The following PKNOX1 variants were observed in gnomAD, a reference collection of about 807,000 sequenced individuals.
The protein encoded by PKNOX1 is PBX/knotted 1 homeobox 1, also known as homeobox protein PKNOX1.
Under a neutral mutation model 51.9 loss-of-function variants are expected in PKNOX1, and 15 were observed. That is an observed-to-expected ratio of 0.29 (90% CI 0.19 to 0.45). The LOEUF (loss-of-function observed/expected upper bound fraction) is 0.45, where lower values mean the gene tolerates loss of function less well. Among genes scored for constraint, PKNOX1 ranks in the 20% least tolerant of loss-of-function variants. The pLI, the probability that PKNOX1 is intolerant of heterozygous loss-of-function variation, is 1.00. For missense variants in PKNOX1, 462 were observed against 547.5 expected (o/e 0.84, Z 1.56); for synonymous variants, 219 against 211.1 (o/e 1.04, Z -0.32).
chr21:42,991,484 TG>T, intron 1 of PKNOX1, among the ~76,000 whole-genome samples: 1 of 152,274 alleles, frequency 6.6e-6, no homozygotes, highest in South Asian at 2.1e-4. Context: ...CCCAGCACTT[TG>T]GGAGATCGAG....
Position 42,999,428 on chromosome 21 carries a change from TA to T in PKNOX1, c.-56-4897del, listed in dbSNP as rs1978648056. On this transcript the variant is annotated intron_variant, in intron 1 of 10. Coordinates refer to ENST00000291547, the MANE Select transcript of PKNOX1 (RefSeq NM_004571.5). ...GATTAACATTAGGCTCCTCATTACT[TA>T]TGCAAATTTATGCAGCCAGCTTGAA... 2.0e-5 allele frequency among the ~76,000 whole-genome samples: 3 copies of T among 152,210 alleles called. No homozygotes were observed. In the South Asian group the frequency reaches 6.2e-4, roughly 32 times the overall value.
At chr21:43,009,397 A>G (rs1979141202) in intron 3 of PKNOX1, among the ~76,000 whole-genome samples, 1 of 152,098 alleles carries the variant, frequency 6.6e-6, no homozygotes, top group African/African-American at 2.4e-5. Flanking sequence ...GTGAACCGAG[A>G]TCACGCCATT....
intron 1 of PKNOX1, among the ~76,000 whole-genome samples, chr21:42,982,981 TG>T (rs1479822940): frequency 3.3e-5 from 5 of 151,922 alleles, no homozygotes; most frequent in Non-Finnish European, 7.4e-5. Flanking sequence ...GGCTAATTTT[TG>T]TATTTTTAGT....
In PKNOX1 at chr21:43,032,079, C is replaced by T. The variant is rs949919062; in HGVS notation, c.*1978C>T. ...TTCTCCATGTTGGTCGGGCTGGTCT[C>T]GAACTCCCGACCTCAGGTGATCTGC... On this transcript the variant is annotated 3_prime_UTR_variant, in exon 11 of 11. Transcript: ENST00000291547. 6.9e-6 allele frequency: 3 copies of T among 437,476 alleles called. No individual in the cohort carries two copies. The highest frequency in any genetic ancestry group is 2.0e-5 in the African/African-American group (1 of 48,954). 27.1% of individuals were successfully genotyped at this position (437,476 alleles called of 1,614,324 possible). A position where few individuals can be genotyped will look rare whatever the true frequency, so the allele number is the denominator to read the frequency against.
At position 43,032,156 on chromosome 21, in the gene PKNOX1, G is replaced by A. The variant is rs776227715; in HGVS notation, c.*2055G>A. 3.9e-5 allele frequency: 18 copies of A among 455,954 alleles called. No individual in the cohort carries two copies. The highest frequency in any genetic ancestry group is 1.4e-4 in the East Asian group (2 of 14,398). 28.2% of individuals were successfully genotyped at this position (455,954 alleles called of 1,614,324 possible). A position where few individuals can be genotyped will look rare whatever the true frequency, so the allele number is the denominator to read the frequency against. ...ATTACAGGTGTGAGCCACCGCGCCC[G>A]GCCGAGAATGACATCTTAAAGCCAC... is the stretch of plus-strand genomic sequence containing the variant. On this transcript the variant is annotated 3_prime_UTR_variant, in exon 11 of 11. Transcript: ENST00000291547.
intron 2 of PKNOX1, among the ~76,000 whole-genome samples, chr21:43,006,636 C>T (rs933033012): frequency 1.4e-4 from 21 of 152,300 alleles, no homozygotes; most frequent in Admixed American, 8.5e-4. Context: ...ATGTGAGAGG[C>T]GTCCTGTGCG....
In PKNOX1 at chr21:43,002,093, A is replaced by T. The variant is rs377194851; in HGVS notation, c.-56-2233A>T. Reference sequence around the variant, plus strand: ...GGCTGATCTTGAACTCCTGAACTCAAGTGGTCCTTCCACATCAGCTCTCAG... The same window carrying T: ...GGCTGATCTTGAACTCCTGAACTCATGTGGTCCTTCCACATCAGCTCTCAG... On this transcript the variant is annotated intron_variant, in intron 1 of 10. Transcript: ENST00000291547. Among the ~76,000 whole-genome samples, 8 of 152,228 alleles carry T rather than the reference A, an allele frequency of 5.3e-5. No individual in the cohort carries two copies. In the South Asian group the frequency reaches 6.2e-4, roughly 12 times the overall value.
chr21:43,018,997 A>T (rs781454087), intron 7 of PKNOX1, among the ~76,000 whole-genome samples: 11 of 151,666 alleles, frequency 7.3e-5, no homozygotes, highest in Non-Finnish European at 1.5e-4. Context: ...AGGCAGGAGA[A>T]TCGCTTGAAC....
chr21:43,027,982 G>A (rs1419296546), intron 9 of PKNOX1, among the ~76,000 whole-genome samples: 4 of 152,322 alleles, frequency 2.6e-5, no homozygotes, highest in South Asian at 4.1e-4. Flanking sequence ...CGTTCTCTGT[G>A]GAGTCTTATC....
chr21:42,998,336 C>G (rs1283204298), intron 1 of PKNOX1, among the ~76,000 whole-genome samples: 2 of 152,182 alleles, frequency 1.3e-5, no homozygotes, highest in African/African-American at 4.8e-5. Flanking sequence ...CAGCTCCCTC[C>G]CATAACATGT....
At chr21:43,012,676 A>G (rs1176534016) in intron 4 of PKNOX1, among the ~76,000 whole-genome samples, 1 of 152,242 alleles carries the variant, frequency 6.6e-6, no homozygotes, top group Non-Finnish European at 1.5e-5. Flanking sequence ...ATGAAAATGT[A>G]GCACTAGCCT....
intron 1 of PKNOX1, among the ~76,000 whole-genome samples, chr21:43,002,403 T>G (rs1978798746): frequency 2.0e-5 from 1 of 49,260 alleles, no homozygotes; most frequent in Non-Finnish European, 6.1e-5. Flanking sequence ...TCATTGACTG[T>G]GCCCCCTCCC....
intron 5 of PKNOX1, among the ~76,000 whole-genome samples, chr21:43,015,651 T>C (rs1188836041): frequency 6.6e-6 from 1 of 152,180 alleles, no homozygotes; most frequent in African/African-American, 2.4e-5. Flanking sequence ...GTAGACTTGG[T>C]GTTATTTCTT....
At chr21:43,011,155 CCTCCCAGGTTCAAGCCATT>C (rs1267013121) in intron 4 of PKNOX1, among the ~76,000 whole-genome samples, 1 of 151,434 alleles carries the variant, frequency 6.6e-6, no homozygotes, top group African/African-American at 2.4e-5. Flanking sequence ...GCAAGCTCCG[CCTCCCAGGTTCAAGCCATT>C]CTCCTGCCTC....
chr21:42,995,285 C>T, intron 1 of PKNOX1, among the ~76,000 whole-genome samples: 1 of 151,716 alleles, frequency 6.6e-6, no homozygotes, highest in East Asian at 2.0e-4. Flanking sequence ...CTGGGTGTGT[C>T]CTGAGGATTG....
chr21:43,002,548 G>C (rs1222718769), intron 1 of PKNOX1, among the ~76,000 whole-genome samples: 1 of 152,108 alleles, frequency 6.6e-6, no homozygotes, highest in Non-Finnish European at 1.5e-5. Context: ...CCATCGTGGT[G>C]GCTGAGGCCA....
At chr21:42,977,477 T>G (rs934434677) in intron 1 of PKNOX1, among the ~76,000 whole-genome samples, 1 of 152,070 alleles carries the variant, frequency 6.6e-6, no homozygotes, top group Non-Finnish European at 1.5e-5. Context: ...CCTTGTACTT[T>G]CGTGTTATGG....
rs145438962 is a variant in PKNOX1, at chr21:43,021,783, C to G, written c.849+352C>G. 1.3e-5 allele frequency among the ~76,000 whole-genome samples: 2 copies of G among 152,362 alleles called. No homozygotes were observed. Among genetic ancestry groups the G allele is most frequent in the African/African-American group, 4.8e-5 (2 of 41,578 alleles). On this transcript the variant is annotated intron_variant, in intron 8 of 10. Coordinates refer to ENST00000291547, the MANE Select transcript of PKNOX1 (RefSeq NM_004571.5). The surrounding 1 kb of genome is among the most constrained non-coding windows in gnomAD (Gnocchi z 4.6). Reference sequence around the variant, plus strand: ...GCTGTGTTTCTGTGTGTTGGATTAACAAGGAAGCTGAGATGGGTTAGAGAC... The same window carrying G: ...GCTGTGTTTCTGTGTGTTGGATTAAGAAGGAAGCTGAGATGGGTTAGAGAC...
At position 42,987,560 on chromosome 21, in the gene PKNOX1, T is replaced by C. The variant is rs1290277701; in HGVS notation, c.-57+12896T>C. ...CAGGGATTGGCAAACCACAGGCCTA[T>C]GGGCCAGATCCCACTGACCTTTTTT... On this transcript the variant is annotated intron_variant, in intron 1 of 10. Coordinates refer to ENST00000291547, the MANE Select transcript of PKNOX1 (RefSeq NM_004571.5). Among the ~76,000 whole-genome samples the C allele has an allele frequency of 5.3e-5, 8 of 150,670 alleles. No homozygotes were observed. The East Asian group carries it at 1.5e-3, about 29-fold the overall frequency.
Sources: gnomAD v4.1 joint callset for allele counts (sites outside exome capture counted in the v4.1 genomes callset) on GRCh38, gnomAD v4.1.1 for gene constraint, Gnocchi (gnomAD v3.1) non-coding constraint, MANE v1.5 for transcripts, NCBI Gene and HGNC (gene_info 2026-07-23, HGNC 2026-07-21) for gene names.